Variants in THOC7 observed in about 807,000 individuals in gnomAD.
THOC7 encodes NIF3L1-binding protein 1.
Under a neutral mutation model 33.1 loss-of-function variants are expected in THOC7, and 22 were observed. The ratio of observed to expected loss-of-function variants is 0.66; its 90% CI spans 0.47 to 0.95. The LOEUF is 0.95. THOC7 is among the 40% of genes least tolerant of loss of function. The probability of loss-of-function intolerance (pLI) is 0.00; values close to 1 mark genes in which losing one functional copy is unlikely to be tolerated. For missense variants in THOC7, 184 were observed against 245.3 expected (o/e 0.75, Z 1.67); for synonymous variants, 77 against 76.8 (o/e 1.00, Z -0.01).
intron 1 of THOC7, among the ~76,000 whole-genome samples, chr3:63,857,209 G>A (rs544228854): frequency 3.3e-5 from 5 of 152,222 alleles, no homozygotes; most frequent in African/African-American, 1.2e-4. Flanking sequence ...AAGAGGGGAA[G>A]GTTTTCATTT....
intron 1 of THOC7, among the ~76,000 whole-genome samples, chr3:63,842,540 C>T (rs1386039663): frequency 6.6e-6 from 1 of 152,168 alleles, no homozygotes; most frequent in Non-Finnish European, 1.5e-5. Context: ...GAAATAGTGT[C>T]TTCTGCAGCA....
chr3:63,856,037 A>G (rs1412738108), intron 1 of THOC7, among the ~76,000 whole-genome samples: 4 of 152,256 alleles, frequency 2.6e-5, no homozygotes, highest in Admixed American at 2.0e-4. Flanking sequence ...ATCTATGCAA[A>G]TATCTCCATT....
At chr3:63,844,632 G>A (rs1701847543) in intron 1 of THOC7, among the ~76,000 whole-genome samples, 1 of 152,176 alleles carries the variant, frequency 6.6e-6, no homozygotes, top group East Asian at 1.9e-4. Context: ...AGCTATTGTG[G>A]AAATAGGTTA....
intron 3 of THOC7, 133 bp downstream of exon 3, chr3:63,838,239 C>A: frequency 1.1e-6 from 1 of 910,536 alleles, no homozygotes; most frequent in East Asian, 2.7e-5. Context: ...TTATAGCTAA[C>A]ATTTACTGTA....
At chr3:63,862,886 GCT>G (rs1702260511) in intron 1 of THOC7, among the ~76,000 whole-genome samples, 2 of 151,692 alleles carry the variant, frequency 1.3e-5, no homozygotes, top group South Asian at 4.2e-4. Context: ...CCTTATTTCC[GCT>G]CTCAGTCCAT....
chr3:63,841,775 A>G (rs1476379974), intron 1 of THOC7, among the ~76,000 whole-genome samples: 2 of 152,238 alleles, frequency 1.3e-5, no homozygotes. Context: ...GAAGAGATTA[A>G]AATGCAGGAA....
At chr3:63,849,055 G>A (rs1279311298) in intron 1 of THOC7, among the ~76,000 whole-genome samples, 1 of 152,182 alleles carries the variant, frequency 6.6e-6, no homozygotes, top group Non-Finnish European at 1.5e-5. Flanking sequence ...ATATTATCAA[G>A]GCTCTGACAG....
intron 1 of THOC7, among the ~76,000 whole-genome samples, chr3:63,856,801 T>G (rs1702124369): frequency 6.6e-6 from 1 of 152,094 alleles, no homozygotes; most frequent in Middle Eastern, 3.4e-3. Flanking sequence ...CACTGCAAGC[T>G]CCGCCTCCCA....
chr3:63,846,550 G>A (rs905850188), intron 1 of THOC7, among the ~76,000 whole-genome samples: 1 of 152,124 alleles, frequency 6.6e-6, no homozygotes, highest in African/African-American at 2.4e-5. Context: ...TGGGATTACA[G>A]GCACCCACCA....
At chr3:63,852,850 G>A (rs927457249) in intron 1 of THOC7, among the ~76,000 whole-genome samples, 1 of 152,074 alleles carries the variant, frequency 6.6e-6, no homozygotes, top group African/African-American at 2.4e-5. Context: ...AAAAAGGAGA[G>A]ATTAGAATCA....
intron 5 of THOC7, among the ~76,000 whole-genome samples, chr3:63,835,925 ATG>A (rs1559601959): frequency 1.3e-5 from 2 of 152,056 alleles, no homozygotes; most frequent in South Asian, 2.1e-4. Flanking sequence ...ATTATTCTGT[ATG>A]TGTTTCAGGA....
At chr3:63,859,846 T>C (rs1483664938) in intron 1 of THOC7, among the ~76,000 whole-genome samples, 3 of 152,214 alleles carry the variant, frequency 2.0e-5, no homozygotes, top group Non-Finnish European at 2.9e-5. Context: ...TTATAGAGGA[T>C]TGTCTGAAGA....
chr3:63,849,072 C>T (rs1318573232), intron 1 of THOC7, among the ~76,000 whole-genome samples: 3 of 152,108 alleles, frequency 2.0e-5, no homozygotes, highest in East Asian at 3.8e-4. Flanking sequence ...ACAGGAATAC[C>T]ATATTTGAAA....
In THOC7 at chr3:63,836,356, A is replaced by G; in HGVS notation, c.355T>C (p.Tyr119His). 1.2e-6 allele frequency: 2 copies of G among 1,612,206 alleles called. No individual in the cohort carries two copies. The highest frequency in any genetic ancestry group is 1.7e-6 in the Non-Finnish European group (2 of 1,178,890). The change falls in exon 5 of 8, where the codon TAT becomes CAT. Residue 119 changes from tyrosine to histidine, a missense_variant and splice_region_variant. By Grantham distance (83) the Tyr-to-His change is moderately conservative. Coordinates refer to ENST00000295899, the MANE Select transcript of THOC7 (RefSeq NM_025075.4). ...AKRIRKNRQE[Y>H]DALAKVIQHH... ...TGAATCACTTTTGCCAAAGCATCAT[A>G]TTCTGTAAGACATAAAAATATTTAT... is the stretch of plus-strand genomic sequence containing the variant.
In THOC7 at chr3:63,833,950, A is replaced by G. The variant is rs1227708364; in HGVS notation, c.*182T>C. 3.7e-6 allele frequency: 2 copies of G among 539,370 alleles called. No homozygotes were observed. Among genetic ancestry groups the G allele is most frequent in the African/African-American group, 3.9e-5 (2 of 51,092 alleles). The allele number at this position is 539,370 out of a possible 1,614,324, so 33.4% of individuals were successfully genotyped here. A position where few individuals can be genotyped will look rare whatever the true frequency, so the allele number is the denominator to read the frequency against. On this transcript the variant is annotated 3_prime_UTR_variant, in exon 8 of 8. Transcript: ENST00000295899. ...GAATAAAAAATGCATTTTAATAAAA[A>G]CAAATCTATACTGAAGTCATTTTCC...
intron 1 of THOC7, chr3:63,844,943 G>T: frequency 1.7e-6 from 1 of 594,886 alleles, no homozygotes; most frequent in Non-Finnish European, 3.1e-6. Context: ...ATGTGGAAGC[G>T]GCAAGTGTTG....
chr3:63,861,349 C>A (rs1477304381), intron 1 of THOC7: 1 of 152,204 alleles, frequency 6.6e-6, no homozygotes, highest in East Asian at 1.9e-4. Flanking sequence ...AAAAGTAGCA[C>A]TAACAGGCAC....
chr3:63,850,408 C>T (rs1004711284), intron 1 of THOC7, among the ~76,000 whole-genome samples: 2 of 151,300 alleles, frequency 1.3e-5, no homozygotes, highest in Admixed American at 6.6e-5. Context: ...ACCATTTTGG[C>T]CAGGCTGGTC....
chr3:63,838,083 A>G (rs1175914468), intron 3 of THOC7, 21 bp from the exon 4 acceptor site: 8 of 1,567,826 alleles, frequency 5.1e-6, no homozygotes, highest in Non-Finnish European at 6.0e-6. Flanking sequence ...AGGTTTTTTA[A>G]AAGATAGTTG....
Sources: gnomAD v4.1 joint callset for allele counts (sites outside exome capture counted in the v4.1 genomes callset) on GRCh38, gnomAD v4.1.1 for gene constraint, MANE v1.5 for transcripts, NCBI Gene and HGNC (gene_info 2026-07-23, HGNC 2026-07-21) for gene names.